PRKCH: variants seen among roughly 807,000 people sequenced by gnomAD.
The protein encoded by PRKCH is protein kinase C eta type.
Under a neutral mutation model 82.5 loss-of-function variants are expected in PRKCH, and 28 were observed. That is an observed-to-expected ratio of 0.34 (90% CI 0.25 to 0.47). PRKCH has a LOEUF of 0.47. PRKCH is among the 20% of genes least tolerant of loss of function. The probability of loss-of-function intolerance (pLI) is 1.00; values close to 1 mark genes in which losing one functional copy is unlikely to be tolerated. For synonymous variants in PRKCH, 322 were observed against 327.4 expected, an observed-to-expected ratio of 0.98 and a Z score of 0.18; for missense variants, 705 against 881.8, an observed-to-expected ratio of 0.80 and a Z score of 2.54.
intron 2 of PRKCH, among the ~76,000 whole-genome samples, chr14:61,416,725 C>T (rs1882579801): frequency 6.6e-6 from 1 of 152,008 alleles, no homozygotes; most frequent in Admixed American, 6.6e-5. Flanking sequence ...AGTAAACTCA[C>T]ATTGTGGCAA....
chr14:61,485,291 G>T (rs1886167360), intron 9 of PRKCH, among the ~76,000 whole-genome samples: 1 of 152,138 alleles, frequency 6.6e-6, no homozygotes, highest in Non-Finnish European at 1.5e-5. Context: ...TGTGTGAAAT[G>T]AACTACAGGA....
chr14:61,543,269 C>T (rs988091806), intron 12 of PRKCH: 8 of 152,230 alleles, frequency 5.3e-5, no homozygotes, highest in African/African-American at 1.9e-4. Flanking sequence ...AGCCACACCT[C>T]CTCTGTAGTC....
At chr14:61,520,112 A>G (rs78654391) in intron 10 of PRKCH, among the ~76,000 whole-genome samples, 2,253 of 152,190 alleles carry the variant, frequency 0.015, 50 homozygotes, top group African/African-American at 0.052. Flanking sequence ...TAAAGCTAGA[A>G]TATGTAAACA....
At chr14:61,375,059 A>G (rs989667949) in intron 1 of PRKCH, among the ~76,000 whole-genome samples, 11 of 152,202 alleles carry the variant, frequency 7.2e-5, no homozygotes, top group African/African-American at 1.9e-4. Flanking sequence ...GCCAGGCCAC[A>G]TCTTGAATGC....
intron 2 of PRKCH, among the ~76,000 whole-genome samples, chr14:61,399,268 AAAAT>A (rs1881466078): frequency 6.6e-6 from 1 of 152,244 alleles, no homozygotes; most frequent in African/African-American, 2.4e-5. Context: ...GTTAAAAAGT[AAAAT>A]AAAATGACAA....
At chr14:61,540,647 A>G (rs531982904) in intron 12 of PRKCH, among the ~76,000 whole-genome samples, 2 of 152,232 alleles carry the variant, frequency 1.3e-5, no homozygotes, top group African/African-American at 4.8e-5. Flanking sequence ...ATATGGTAGT[A>G]ATGGCTACCA....
intron 1 of PRKCH, among the ~76,000 whole-genome samples, chr14:61,282,270 CTTTTTTT>C (rs10719485): frequency 3.1e-5 from 4 of 129,350 alleles, no homozygotes; most frequent in African/African-American, 8.2e-5. Context: ...GGGATTCTGG[CTTTTTTT>C]TTTTTTTTTT....
intron 1 of PRKCH, among the ~76,000 whole-genome samples, chr14:61,300,087 A>C (rs1423100332): frequency 2.0e-5 from 3 of 152,018 alleles, no homozygotes; most frequent in Non-Finnish European, 4.4e-5. Context: ...TCATTTCTCT[A>C]CTTCACTTTA....
intron 1 of PRKCH, among the ~76,000 whole-genome samples, chr14:61,226,192 T>C (rs1383230235): frequency 1.3e-5 from 2 of 152,150 alleles, no homozygotes; most frequent in East Asian, 3.9e-4. Context: ...CAGTAAGCAT[T>C]TATTGGCCTC....
chr14:61,195,796 A>G (rs977459173), intron 1 of PRKCH, among the ~76,000 whole-genome samples: 9 of 151,964 alleles, frequency 5.9e-5, no homozygotes, highest in Admixed American at 6.6e-5. Context: ...GACATGGAGG[A>G]GAGAGAGAGA....
chr14:61,373,977 TC>T (rs2046397439), intron 1 of PRKCH, among the ~76,000 whole-genome samples: 1 of 152,094 alleles, frequency 6.6e-6, no homozygotes, highest in Non-Finnish European at 1.5e-5. Flanking sequence ...CAAAGGCAAG[TC>T]CCTTCCACCT....
intron 10 of PRKCH, chr14:61,525,371 G>A (rs1256359569): frequency 1.3e-5 from 2 of 152,186 alleles, no homozygotes; most frequent in African/African-American, 2.4e-5. Flanking sequence ...TTCCTTTACA[G>A]CTCATACAGT....
At chr14:61,528,973 C>CGTGGGTGTGTGTGT in intron 10 of PRKCH, 102 bp from the exon 11 acceptor site, 1 of 565,718 alleles carries the variant, frequency 1.8e-6, no homozygotes, top group East Asian at 4.0e-5. Flanking sequence ...TGTGGCCGCA[C>CGTGGGTGTGTGTGT]GTGTGTGTGT....
chr14:61,201,458 T>C (rs1421982457), intron 1 of PRKCH, among the ~76,000 whole-genome samples: 1 of 152,186 alleles, frequency 6.6e-6, no homozygotes. Flanking sequence ...ACACAATCAT[T>C]ATTATAAACG....
rs764319788 is a variant in PRKCH at position 61,530,428 on chromosome 14, G to A, written c.1594G>A (p.Gly532Arg). ...APEILQEMLY[G>R]PAVDWWAMGV... ...ACAGATCCTCCAGGAAATGCTGTAC[G>A]GGCCTGCAGTAGACTGGTGGGCAAT... The change falls in exon 12 of 14, where the codon GGG becomes AGG. Residue 532 changes from glycine to arginine, a missense_variant. Around this residue, in one of 5 missense-constraint regions of PRKCH, gnomAD observed 115 missense variants for 193.8 expected, o/e 0.59. Coordinates refer to ENST00000332981, the MANE Select transcript of PRKCH (RefSeq NM_006255.5). 6.2e-6 allele frequency: 10 copies of A among 1,601,318 alleles called. No individual in the cohort carries two copies. The highest frequency in any genetic ancestry group is 2.3e-5 in the South Asian group (2 of 87,932).
intron 2 of PRKCH, among the ~76,000 whole-genome samples, chr14:61,420,515 C>T (rs1882781420): frequency 2.0e-5 from 3 of 152,188 alleles, no homozygotes; most frequent in Admixed American, 2.0e-4. Flanking sequence ...GTCTGTCTCC[C>T]CGGCAGACTC....
intron 1 of PRKCH, among the ~76,000 whole-genome samples, chr14:61,301,345 A>C (rs1445786639): frequency 6.6e-6 from 1 of 152,250 alleles, no homozygotes; most frequent in Non-Finnish European, 1.5e-5. Context: ...ACTTTTATTC[A>C]GAAGGAAAAT....
chr14:61,199,711 A>G (rs1387483658), intron 1 of PRKCH, among the ~76,000 whole-genome samples: 12 of 152,206 alleles, frequency 7.9e-5, no homozygotes, highest in Admixed American at 7.9e-4. Context: ...GCATTGTTGG[A>G]AAGCGTCATG....
At chr14:61,235,574 G>C (rs1481178611) in intron 1 of PRKCH, among the ~76,000 whole-genome samples, 1 of 152,152 alleles carries the variant, frequency 6.6e-6, no homozygotes, top group Non-Finnish European at 1.5e-5. Flanking sequence ...CTGTTTTACA[G>C]TACTAGGTAT....
Sources: allele counts gnomAD v4.1 joint callset (sites outside exome capture counted in the v4.1 genomes callset), GRCh38; gene constraint gnomAD v4.1.1; regional missense constraint gnomAD v4.1.1; transcripts MANE v1.5; gene names NCBI Gene and HGNC (gene_info 2026-07-23, HGNC 2026-07-21).